NCF2: variants seen among roughly 807,000 people sequenced by gnomAD.
NCF2 encodes neutrophil cytosol factor 2.
Under a neutral mutation model 70.9 loss-of-function variants are expected in NCF2, and 45 were observed. That is an observed-to-expected ratio of 0.63 (90% CI 0.50 to 0.81). The LOEUF is 0.81. Among genes scored for constraint, NCF2 ranks in the 40% least tolerant of loss-of-function variants. The pLI, the probability that NCF2 is intolerant of heterozygous loss-of-function variation, is 0.00. For missense variants in NCF2, 522 were observed against 631.6 expected (o/e 0.83, Z 1.86); for synonymous variants, 203 against 233.6 (o/e 0.87, Z 1.19).
At chr1:183,567,569 G>A in intron 7 of NCF2, 1 of 677,800 alleles carries the variant, frequency 1.5e-6, no homozygotes, top group Admixed American at 2.2e-5. Flanking sequence ...CAAGAATAAA[G>A]CAAAAACCCC....
chr1:183,563,777 A>G, intron 11 of NCF2, 192 bp from the exon 12 acceptor site: 1 of 815,242 alleles, frequency 1.2e-6, no homozygotes, highest in Non-Finnish European at 2.0e-6. Flanking sequence ...TTGGACAGGA[A>G]TTCCTACTGA....
chr1:183,592,254 T>A (rs1673687014), upstream of NCF2, among the ~76,000 whole-genome samples: 1 of 152,210 alleles, frequency 6.6e-6, no homozygotes, highest in African/African-American at 2.4e-5. Flanking sequence ...TAAGAAGACA[T>A]GTGTGTCTTT....
rs11414367 is a variant in NCF2, at chr1:183,580,978, C to CAA, written c.258-3273_258-3272dup. ...TGGTTGACAGAGCGAGACTCCAACT[C>CAA]AAAAAAAAAAAAAAGGTGTCTACAG... On this transcript the variant is annotated intron_variant, in intron 2 of 14. Coordinates refer to ENST00000367535, the MANE Select transcript of NCF2 (RefSeq NM_000433.4). Among the ~76,000 whole-genome samples, 425 of 125,248 alleles carry CAA rather than the reference C, an allele frequency of 3.4e-3. 1 individual carries two copies. The highest frequency in any genetic ancestry group is 6.4e-3 in the African/African-American group (201 of 31,532). 82.2% of individuals were successfully genotyped at this position (125,248 alleles called of 152,430 possible).
At chr1:183,564,776 G>A (rs991362178) in intron 10 of NCF2, among the ~76,000 whole-genome samples, 5 of 152,182 alleles carry the variant, frequency 3.3e-5, no homozygotes, top group African/African-American at 4.8e-5. Flanking sequence ...CAGGAGCAAC[G>A]GGAGAAATTT....
At chr1:183,576,766 G>T (rs1393851938) in intron 3 of NCF2, among the ~76,000 whole-genome samples, 1 of 152,166 alleles carries the variant, frequency 6.6e-6, no homozygotes, top group Non-Finnish European at 1.5e-5. Context: ...TCTATTATTA[G>T]CCCTGAGCGA....
intron 2 of NCF2, among the ~76,000 whole-genome samples, chr1:183,580,407 G>C (rs1211902827): frequency 6.6e-6 from 1 of 152,154 alleles, no homozygotes; most frequent in Non-Finnish European, 1.5e-5. Context: ...TCAATTCACT[G>C]AGCCTCTTCC....
the NCF2 span, among the ~76,000 whole-genome samples, chr1:183,598,598 A>G: frequency 3.9e-5 from 6 of 152,146 alleles, no homozygotes; most frequent in Non-Finnish European, 8.8e-5. Flanking sequence ...AAAAAAAATT[A>G]CTAAGGACAG....
At position 183,574,510 on chromosome 1, in the gene NCF2, C is replaced by T. The variant is rs919688297; in HGVS notation, c.478G>A (p.Asp160Asn). The T allele has an allele frequency of 1.3e-5, 21 of 1,614,112 alleles. No individual in the cohort carries two copies. Among genetic ancestry groups the T allele is most frequent in the African/African-American group, 5.3e-5 (4 of 74,934 alleles). The change falls in exon 4 of 15, where the codon GAC becomes AAC. Residue 160 changes from aspartate to asparagine, a missense_variant. Coordinates refer to ENST00000367535, the MANE Select transcript of NCF2 (RefSeq NM_000433.4). ...MKSEPRHSKI[D>N]KAMECVWKQK... ...ACCCAGACACACTCCATCGCCTTGT[C>T]GATTTTGGAATGTCTGGGCTCAGAC... is the stretch of plus-strand genomic sequence containing the variant.
chr1:183,586,935 C>T lies in NCF2; in HGVS notation c.217G>A (p.Ala73Thr). The T allele has an allele frequency of 1.2e-6, 2 of 1,614,132 alleles. No homozygotes were observed. Among genetic ancestry groups the T allele is most frequent in the Non-Finnish European group, 1.7e-6 (2 of 1,179,990 alleles). ...SINRDKHLAV[A>T]YFQRGMLYYQ... ...TAGAGCATCCCTCGTTGGAAGTAAG[C>T]CACTGCCAAGTGCTTGTCTCGGTTA... is the stretch of plus-strand genomic sequence containing the variant. The change falls in exon 2 of 15, where the codon GCT becomes ACT. Residue 73 changes from alanine to threonine, a missense_variant. By Grantham distance (58) the Ala-to-Thr change is moderately conservative. Coordinates refer to ENST00000367535, the MANE Select transcript of NCF2 (RefSeq NM_000433.4).
At chr1:183,559,895 G>A (rs1392013161) in intron 14 of NCF2, among the ~76,000 whole-genome samples, 1 of 152,134 alleles carries the variant, frequency 6.6e-6, no homozygotes, top group South Asian at 2.1e-4. Flanking sequence ...TCAGCTTCTT[G>A]TTGCTTTCCT....
Position 183,577,674 on chromosome 1 carries a change from G to A in NCF2, c.291C>T (p.Ala97=). 1.2e-6 allele frequency: 2 copies of A among 1,614,028 alleles called. No homozygotes were observed. Among genetic ancestry groups the A allele is most frequent in the Non-Finnish European group, 1.7e-6 (2 of 1,179,884 alleles). ...YDLAIKDLKE[A]LIQLRGNQLI... is the part of the protein sequence containing the mutation. ...GCTGGTTCCCTCGAAGCTGAATCAA[G>A]GCTTCTTTAAGGTCTTTGATAGCCA... Residue 97 remains alanine, a synonymous_variant, in exon 3 of 15, where the codon GCC becomes GCT. Transcript: ENST00000367535.
In NCF2 at chr1:183,577,646, T is replaced by A; in HGVS notation, c.319A>T (p.Ile107Leu). 1 of 1,614,128 alleles carries A rather than the reference T, an allele frequency of 6.2e-7. No homozygotes were observed. Among genetic ancestry groups the A allele is most frequent in the Non-Finnish European group, 8.5e-7 (1 of 1,179,962 alleles). The change falls in exon 3 of 15, where the codon ATA (isoleucine) becomes TTA (leucine). Residue 107 changes from isoleucine (I) to leucine (L), a missense_variant. Physicochemically the swap from Ile to Leu is conservative, Grantham distance 5. Coordinates refer to ENST00000367535, the MANE Select transcript of NCF2 (RefSeq NM_000433.4). ...TGGAGCCCCAGGATCTTATAGTCTA[T>A]CAGCTGGTTCCCTCGAAGCTGAATC... ...ALIQLRGNQLIDYKILGLQFK... is the reference protein window; with the variant it reads ...ALIQLRGNQLLDYKILGLQFK...
At chr1:183,585,819 TA>T (rs1673323185) in intron 2 of NCF2, among the ~76,000 whole-genome samples, 1 of 152,182 alleles carries the variant, frequency 6.6e-6, no homozygotes, top group Non-Finnish European at 1.5e-5. Flanking sequence ...GAATTGAGAT[TA>T]ACTTTCATTT....
At chr1:183,568,912 A>G (rs906409543) in intron 7 of NCF2, among the ~76,000 whole-genome samples, 5 of 152,074 alleles carry the variant, frequency 3.3e-5, no homozygotes, top group African/African-American at 1.2e-4. Context: ...CAGCCCCACC[A>G]CAGTCAAGAC....
At chr1:183,600,814 T>C in the NCF2 span, among the ~76,000 whole-genome samples, 1 of 152,110 alleles carries the variant, frequency 6.6e-6, no homozygotes, top group Non-Finnish European at 1.5e-5. Flanking sequence ...TTCTCAGCAC[T>C]AGGGTTGGGC....
At chr1:183,559,324 T>C (rs1429769671) in intron 14 of NCF2, among the ~76,000 whole-genome samples, 1 of 152,240 alleles carries the variant, frequency 6.6e-6, no homozygotes, top group East Asian at 1.9e-4. Context: ...TTTCAATTTT[T>C]AGTCTGTTCA....
intron 1 of NCF2, among the ~76,000 whole-genome samples, chr1:183,588,145 CTG>C (rs1348825001): frequency 6.6e-6 from 1 of 152,124 alleles, no homozygotes; most frequent in Admixed American, 6.5e-5. Context: ...TGCAGCGAGA[CTG>C]TGCTATGAAG....
upstream of NCF2, among the ~76,000 whole-genome samples, chr1:183,591,838 G>C (rs1366253929): frequency 6.6e-6 from 1 of 152,164 alleles, no homozygotes; most frequent in Non-Finnish European, 1.5e-5. Flanking sequence ...CCAATTTCCT[G>C]CAAATGTCAA....
chr1:183,590,695 A>C, upstream of NCF2: 1 of 313,564 alleles, frequency 3.2e-6, no homozygotes, highest in Non-Finnish European at 6.3e-6. Flanking sequence ...TCTCTCTCCC[A>C]CCCCTGTTCT....
Sources: gnomAD v4.1 joint callset for allele counts (sites outside exome capture counted in the v4.1 genomes callset) on GRCh38, gnomAD v4.1.1 for gene constraint, MANE v1.5 for transcripts, NCBI Gene and HGNC (gene_info 2026-07-23, HGNC 2026-07-21) for gene names.